TXLNB: variants seen among roughly 807,000 people sequenced by gnomAD.
TXLNB encodes the protein taxilin beta.
A neutral mutation model predicts 57.4 loss-of-function variants in TXLNB; 37 were observed. That is an observed-to-expected ratio of 0.64 (90% CI 0.50 to 0.85). The LOEUF (loss-of-function observed/expected upper bound fraction) is 0.85, where lower values mean the gene tolerates loss of function less well. Among genes scored for constraint, TXLNB ranks in the 40% least tolerant of loss-of-function variants. The pLI is 0.00. For synonymous variants in TXLNB, 302 were observed against 309.6 expected (o/e 0.98, Z 0.26); for missense variants, 848 against 825.6 (o/e 1.03, Z -0.33).
intron 3 of TXLNB, among the ~76,000 whole-genome samples, chr6:139,275,075 T>C (rs1010236236): frequency 6.6e-6 from 1 of 152,186 alleles, no homozygotes; most frequent in African/African-American, 2.4e-5. Context: ...GAAAGCAATA[T>C]GGCCATAAAG....
At chr6:139,269,777 G>A (rs546197526) in intron 4 of TXLNB, among the ~76,000 whole-genome samples, 1 of 152,252 alleles carries the variant, frequency 6.6e-6, no homozygotes, top group Admixed American at 6.5e-5. Flanking sequence ...GTATCATCTT[G>A]GAGAGCTCTG....
chr6:139,304,461 C>T, the TXLNB span, among the ~76,000 whole-genome samples: 1 of 152,116 alleles, frequency 6.6e-6, no homozygotes, highest in Non-Finnish European at 1.5e-5. Flanking sequence ...GCAATCAGTA[C>T]CACGATGCAC....
At chr6:139,292,421 T>TTTC, upstream of TXLNB, among the ~76,000 whole-genome samples, 1 of 152,260 alleles carries the variant, frequency 6.6e-6, no homozygotes, top group South Asian at 2.1e-4. This position sits in a 1 kb window ranked among gnomAD's most constrained non-coding sequence, Gnocchi z 4.0. Flanking sequence ...TCATCTTCTT[T>TTTC]TTCTTCTTCT....
the TXLNB span, among the ~76,000 whole-genome samples, chr6:139,319,163 C>T: frequency 2.0e-5 from 3 of 151,672 alleles, no homozygotes; most frequent in African/African-American, 7.3e-5. Context: ...AGGCTGGTCT[C>T]GAACTCCTGA....
chr6:139,210,061 C>T, the TXLNB span, among the ~76,000 whole-genome samples: 55 of 152,100 alleles, frequency 3.6e-4, 1 homozygote, highest in African/African-American at 1.3e-3. Context: ...TATGAATAGA[C>T]AATTGTCAAA....
At chr6:139,198,498 A>G in the TXLNB span, among the ~76,000 whole-genome samples, 1 of 151,308 alleles carries the variant, frequency 6.6e-6, no homozygotes, top group African/African-American at 2.4e-5. Context: ...AGATTGTTAC[A>G]ATGTGAGACA....
chr6:139,227,656 T>G, the TXLNB span, among the ~76,000 whole-genome samples: 1 of 152,194 alleles, frequency 6.6e-6, no homozygotes, highest in African/African-American at 2.4e-5. Flanking sequence ...AACATCGGAA[T>G]AGATAAGTTG....
chr6:139,164,507 A>G, the TXLNB span, among the ~76,000 whole-genome samples: 3 of 152,240 alleles, frequency 2.0e-5, no homozygotes, highest in African/African-American at 7.2e-5. Flanking sequence ...AGATGCCAGT[A>G]GTGCCCTCAT....
the TXLNB span, chr6:139,180,203 G>GAA: frequency 2.6e-5 from 4 of 152,210 alleles, no homozygotes; most frequent in East Asian, 1.9e-4. Flanking sequence ...CTGAGTAAAA[G>GAA]GTATTTTCAT....
chr6:139,159,864 G>A, the TXLNB span, among the ~76,000 whole-genome samples: 1,265 of 152,272 alleles, frequency 8.3e-3, 18 homozygotes, highest in African/African-American at 0.029. Context: ...TGCTTATGGT[G>A]CAGCTGTTTT....
At chr6:139,186,972 AAG>A in the TXLNB span, among the ~76,000 whole-genome samples, 1 of 152,204 alleles carries the variant, frequency 6.6e-6, no homozygotes, top group African/African-American at 2.4e-5. Flanking sequence ...TGAGAAGAGA[AAG>A]AAAATGATTG....
At chr6:139,222,746 G>T in the TXLNB span, among the ~76,000 whole-genome samples, 5 of 151,928 alleles carry the variant, frequency 3.3e-5, no homozygotes, top group Admixed American at 2.6e-4. Flanking sequence ...GGTGGAGATC[G>T]CAGTGAGCCG....
chr6:139,162,588 G>A, the TXLNB span, among the ~76,000 whole-genome samples: 4 of 152,284 alleles, frequency 2.6e-5, no homozygotes, highest in South Asian at 8.3e-4. Flanking sequence ...GGGAAACCAC[G>A]GTGATCAAAT....
chr6:139,182,242 A>G, the TXLNB span, among the ~76,000 whole-genome samples: 7 of 152,330 alleles, frequency 4.6e-5, no homozygotes, highest in South Asian at 1.0e-3. Flanking sequence ...CTGTGTTGCT[A>G]CTTACTAATG....
At chr6:139,165,285 A>C in the TXLNB span, among the ~76,000 whole-genome samples, 1 of 152,240 alleles carries the variant, frequency 6.6e-6, no homozygotes, top group South Asian at 2.1e-4. Context: ...GAGCAGATTT[A>C]AGTTCACAGA....
At position 139,242,367 on chromosome 6, in the gene TXLNB, A is replaced by C; in HGVS notation, c.*159T>G. 1.9e-6 allele frequency: 1 copy of C among 519,292 alleles called. No homozygotes were observed. Among genetic ancestry groups the C allele is most frequent in the Non-Finnish European group, 3.0e-6 (1 of 331,528 alleles). The allele number at this position is 519,292 out of a possible 1,614,324, so 32.2% of individuals were successfully genotyped here. ...CAGCTATAAATTGACAACAAATAGC[A>C]AAGTCTGAATGAATGTGTTCTGCCT... is the stretch of plus-strand genomic sequence containing the variant. On this transcript the variant is annotated 3_prime_UTR_variant, in exon 10 of 10. Coordinates refer to ENST00000358430, the MANE Select transcript of TXLNB (RefSeq NM_153235.4).
At chr6:139,174,382 C>T in the TXLNB span, 3 of 1,612,820 alleles carry the variant, frequency 1.9e-6, no homozygotes, top group South Asian at 3.3e-5. Flanking sequence ...CTTCTGTGCA[C>T]AGGGAGACTC....
At chr6:139,266,855 CAG>C (rs1266122830) in intron 4 of TXLNB, among the ~76,000 whole-genome samples, 7 of 148,602 alleles carry the variant, frequency 4.7e-5, no homozygotes, top group Non-Finnish European at 1.0e-4. Context: ...TTGAAAAGGG[CAG>C]AGAAAAAGGA....
chr6:139,239,062 A>G (rs1377043002), downstream of TXLNB: 2 of 152,228 alleles, frequency 1.3e-5, no homozygotes, highest in Non-Finnish European at 2.9e-5. This position sits in a 1 kb window ranked among gnomAD's most constrained non-coding sequence, Gnocchi z 4.7. Context: ...AAGGAGCAAA[A>G]TCAGTCTTAC....
Sources: gnomAD v4.1 joint callset for allele counts (sites outside exome capture counted in the v4.1 genomes callset) on GRCh38, gnomAD v4.1.1 for gene constraint, Gnocchi (gnomAD v3.1) non-coding constraint, MANE v1.5 for transcripts, NCBI Gene and HGNC (gene_info 2026-07-23, HGNC 2026-07-21) for gene names.